The following PTBP2 variants were observed in gnomAD, a reference collection of about 807,000 sequenced individuals.
The protein encoded by PTBP2 is polypyrimidine tract-binding protein 2.
In PTBP2, 13 loss-of-function variants were observed where a neutral mutation model predicts 61.4. That is an observed-to-expected ratio of 0.21 (90% confidence interval 0.14 to 0.34). The LOEUF is 0.34. Among genes scored for constraint, PTBP2 ranks in the 10% least tolerant of loss-of-function variants. PTBP2 has a pLI of 1.00. For missense variants in PTBP2, 405 were observed against 642.6 expected (o/e 0.63, Z 4.00); for synonymous variants, 215 against 218.5 (o/e 0.98, Z 0.14).
rs549956815 is a variant in PTBP2, at chr1:96,812,190, A to T, written c.1172-522A>T. Among the ~76,000 whole-genome samples, 40 of 152,332 alleles carry T rather than the reference A, an allele frequency of 2.6e-4. 2 individuals carry two copies. In the South Asian group the frequency reaches 8.3e-3, roughly 32 times the overall value. On this transcript the variant is annotated intron_variant, in intron 11 of 13. Coordinates refer to ENST00000674951, the MANE Select transcript of PTBP2 (RefSeq NM_021190.4). The stretch of plus-strand genomic sequence containing the variant: ...AGGGTTTTAAGCAGGTATTGACGTG[A>T]TCAGATTTGTAATTTATGAAGGTCA...
chr1:96,806,593 G>A, intron 10 of PTBP2, 141 bp downstream of exon 10: 1 of 959,040 alleles, frequency 1.0e-6, no homozygotes, highest in Non-Finnish European at 1.6e-6. Context: ...ACTCTCCATA[G>A]ACACAAAATT....
In PTBP2 at chr1:96,771,023, T is replaced by C. The variant is rs759555270; in HGVS notation, c.432+172T>C. ...CTAAGTATTAAATACTATGTCATTT[T>C]GAATTCCTTTAATCCCCTGGTCAAA... is the stretch of plus-strand genomic sequence containing the variant. On this transcript the variant is annotated intron_variant, in intron 5 of 13. Transcript: ENST00000674951. The C allele has an allele frequency of 6.3e-5, 33 of 523,358 alleles. No individual in the cohort carries two copies. The Middle Eastern group carries it at 1.6e-3, about 25-fold the overall frequency. The allele number at this position is 523,358 out of a possible 1,614,324, so 32.4% of individuals were successfully genotyped here.
intron 2 of PTBP2, among the ~76,000 whole-genome samples, chr1:96,724,831 A>G (rs1328458525): frequency 6.6e-6 from 1 of 152,160 alleles, no homozygotes; most frequent in East Asian, 1.9e-4. Context: ...CGTTGTACTC[A>G]TGTACCCTAA....
At chr1:96,776,656 A>G (rs1475658076) in intron 5 of PTBP2, among the ~76,000 whole-genome samples, 1 of 151,802 alleles carries the variant, frequency 6.6e-6, no homozygotes, top group African/African-American at 2.4e-5. Context: ...TTTTAGAACT[A>G]TTTGCCTTTG....
At chr1:96,724,291 G>T (rs1650064679) in intron 2 of PTBP2, among the ~76,000 whole-genome samples, 1 of 151,846 alleles carries the variant, frequency 6.6e-6, no homozygotes, top group Admixed American at 6.6e-5. Context: ...TCACTCTGTT[G>T]CCCAGGCTGG....
chr1:96,751,350 T>G, intron 2 of PTBP2, 75 bp from the exon 3 acceptor site: 1 of 1,164,282 alleles, frequency 8.6e-7, no homozygotes. Flanking sequence ...ACATTTGACA[T>G]TTAAGTGAAA....
rs1659857400 is a variant in PTBP2 at position 96,791,835 on chromosome 1, T to TTTTTTTTTTTTGTTTTTTTTTTG, written c.904+6592_904+6593insGTTTTTTTTTTGTTTTTTTTTTT. ...GTTGCTTGGAGTTGTGCTTTTTTTT[T>TTTTTTTTTTTTGTTTTTTTTTTG]TTTTTTTTTTTTTTGAGATAGAGTC... On this transcript the variant is annotated intron_variant, in intron 8 of 13. Coordinates refer to ENST00000674951, the MANE Select transcript of PTBP2 (RefSeq NM_021190.4). Among the ~76,000 whole-genome samples the TTTTTTTTTTTTGTTTTTTTTTTG allele has an allele frequency of 6.6e-5, 2 of 30,516 alleles. 1 individual carries two copies. Among genetic ancestry groups the TTTTTTTTTTTTGTTTTTTTTTTG allele is most frequent in the African/African-American group, 3.8e-4 (2 of 5,286 alleles). 20.0% of individuals were successfully genotyped at this position (30,516 alleles called of 152,430 possible).
chr1:96,809,536 A>G (rs564796735), intron 11 of PTBP2, among the ~76,000 whole-genome samples: 2 of 152,228 alleles, frequency 1.3e-5, no homozygotes, highest in South Asian at 2.1e-4. Flanking sequence ...TTTTTGAGCC[A>G]GTGTCTTGCT....
intron 8 of PTBP2, among the ~76,000 whole-genome samples, chr1:96,789,278 C>CATTGACGTTAAAATAGTTAT (rs1659537802): frequency 6.6e-6 from 1 of 152,036 alleles, no homozygotes; most frequent in Admixed American, 6.5e-5. Context: ...TGTAGGAAAT[C>CATTGACGTTAAAATAGTTAT]ATTGACGTTA....
chr1:96,741,121 T>C (rs1196901066), intron 2 of PTBP2, among the ~76,000 whole-genome samples: 6 of 151,726 alleles, frequency 4.0e-5, no homozygotes, highest in African/African-American at 9.7e-5. Flanking sequence ...CAAATGTACA[T>C]GGGAAGGATA....
At chr1:96,816,627 A>G (rs1662496049), downstream of PTBP2, 1 of 152,158 alleles carries the variant, frequency 6.6e-6, no homozygotes, top group East Asian at 1.9e-4. Context: ...TTAAATTAAC[A>G]CTTTGGAAGC....
intron 3 of PTBP2, among the ~76,000 whole-genome samples, chr1:96,763,208 T>A (rs1656225803): frequency 1.3e-5 from 2 of 151,986 alleles, no homozygotes; most frequent in South Asian, 4.2e-4. Flanking sequence ...TCTCGGCACT[T>A]TGGGAGGCCA....
intron 7 of PTBP2, among the ~76,000 whole-genome samples, chr1:96,778,231 A>G (rs1570915374): frequency 6.8e-6 from 1 of 147,944 alleles, no homozygotes; most frequent in Non-Finnish European, 1.5e-5. Context: ...GCAGGACTAT[A>G]TTGTGAATGT....
chr1:96,749,280 T>G (rs775237489), intron 2 of PTBP2, among the ~76,000 whole-genome samples: 28 of 152,252 alleles, frequency 1.8e-4, no homozygotes, highest in Admixed American at 5.2e-4. Flanking sequence ...AATCACAAGT[T>G]TTACAGTGTG....
intron 5 of PTBP2, among the ~76,000 whole-genome samples, chr1:96,774,107 A>G (rs867903883): frequency 5.3e-5 from 8 of 150,650 alleles, no homozygotes; most frequent in African/African-American, 1.5e-4. Context: ...CAACAAAGCA[A>G]GACACAGTCT....
chr1:96,794,918 A>G (rs1660218100), intron 8 of PTBP2, among the ~76,000 whole-genome samples: 1 of 152,198 alleles, frequency 6.6e-6, no homozygotes, highest in Non-Finnish European at 1.5e-5. Flanking sequence ...CTATGATGCC[A>G]GAAAGTATTA....
intron 11 of PTBP2, among the ~76,000 whole-genome samples, chr1:96,812,264 A>G (rs1662156843): frequency 6.6e-6 from 1 of 152,222 alleles, no homozygotes; most frequent in Non-Finnish European, 1.5e-5. Flanking sequence ...CAACAGGAAG[A>G]CAAATATGAG....
In PTBP2 at chr1:96,794,367, A is replaced by G. The variant is rs538310524; in HGVS notation, c.904+9113A>G. The stretch of plus-strand genomic sequence containing the variant: ...TTGACAAATATATGTTGTATGGCTA[A>G]AACAAAGAAAATACTTCTGTTGCTT... On this transcript the variant is annotated intron_variant, in intron 8 of 13. Transcript: ENST00000674951. 2.0e-5 allele frequency among the ~76,000 whole-genome samples: 3 copies of G among 152,344 alleles called. No homozygotes were observed. In the South Asian group the frequency reaches 6.2e-4, roughly 32 times the overall value.
intron 2 of PTBP2, among the ~76,000 whole-genome samples, chr1:96,733,871 C>G (rs1167081068): frequency 6.6e-6 from 1 of 152,136 alleles, no homozygotes; most frequent in Non-Finnish European, 1.5e-5. Flanking sequence ...GGATGAAGAC[C>G]TTTATTATGA....
Sources: allele counts gnomAD v4.1 joint callset (sites outside exome capture counted in the v4.1 genomes callset), GRCh38; gene constraint gnomAD v4.1.1; transcripts MANE v1.5; gene names NCBI Gene and HGNC (gene_info 2026-07-23, HGNC 2026-07-21).